MLLT1: variants seen among roughly 807,000 people sequenced by gnomAD.
The protein encoded by MLLT1 is protein ENL.
MLLT1 carries 11 observed loss-of-function variants against 55.1 expected under a neutral mutation model. The observed-to-expected ratio is 0.20, with a 90% CI of 0.13 to 0.33. The LOEUF is 0.33. Ranked by LOEUF, MLLT1 falls within the 10% of genes least tolerant of loss-of-function variation. The pLI is 1.00. For missense variants in MLLT1, 536 were observed against 760.6 expected, an observed-to-expected ratio of 0.70 and a Z score of 3.47; for synonymous variants, 323 against 320.1, an observed-to-expected ratio of 1.01 and a Z score of -0.10.
At chr19:6,236,701 G>A (rs78120350) in intron 3 of MLLT1, among the ~76,000 whole-genome samples, 2,691 of 152,280 alleles carry the variant, frequency 0.018, 37 homozygotes, top group Middle Eastern at 0.051. Context: ...AAGCTTAGGA[G>A]CATCCCAGGG....
intron 3 of MLLT1, among the ~76,000 whole-genome samples, chr19:6,248,982 G>A (rs574520154): frequency 2.6e-5 from 4 of 152,264 alleles, no homozygotes; most frequent in African/African-American, 7.2e-5. Context: ...GTTCAGTAAC[G>A]AAGATTTTTA....
chr19:6,246,148 T>TGG (rs2091166364), intron 3 of MLLT1, among the ~76,000 whole-genome samples: 1 of 150,450 alleles, frequency 6.6e-6, no homozygotes, highest in South Asian at 2.1e-4. Flanking sequence ...ATTCAAGGGC[T>TGG]GGCGAAGATT....
In MLLT1 at chr19:6,210,587, T is replaced by C. The variant is rs2090757279; in HGVS notation, c.*2455A>G. 4.5e-6 allele frequency: 1 copy of C among 222,722 alleles called. No homozygotes were observed. Among genetic ancestry groups the C allele is most frequent in the African/African-American group, 2.2e-5 (1 of 44,678 alleles). The allele number at this position is 222,722 out of a possible 1,614,324, so 13.8% of individuals were successfully genotyped here. ...GAGACACGTTCTTTGTAAAAACCCT[T>C]ATGGGCAAGAAAGGTATTCGATACC... is the stretch of plus-strand genomic sequence containing the variant. On this transcript the variant is annotated 3_prime_UTR_variant, in exon 12 of 12. Coordinates refer to ENST00000252674, the MANE Select transcript of MLLT1 (RefSeq NM_005934.4). This position sits in a 1 kb window ranked among gnomAD's most constrained non-coding sequence, Gnocchi z 4.6.
rs1052438755 is a variant in MLLT1 at position 6,212,937 on chromosome 19, G to A, written c.*105C>T. On this transcript the variant is annotated 3_prime_UTR_variant, in exon 12 of 12. Coordinates refer to ENST00000252674, the MANE Select transcript of MLLT1 (RefSeq NM_005934.4). Reference sequence around the variant, plus strand: ...CTGTGCGGGCGAGGACAGGGCTGTCGCTAAGGCAGTGCTGCGGGCAGGCGA... The same window carrying A: ...CTGTGCGGGCGAGGACAGGGCTGTCACTAAGGCAGTGCTGCGGGCAGGCGA... The A allele has an allele frequency of 1.2e-5, 17 of 1,427,460 alleles. No individual in the cohort carries two copies. Among genetic ancestry groups the A allele is most frequent in the African/African-American group, 5.7e-5 (4 of 70,522 alleles). 88.4% of individuals were successfully genotyped at this position (1,427,460 alleles called of 1,614,324 possible). A position where few individuals can be genotyped will look rare whatever the true frequency, so the allele number is the denominator to read the frequency against.
chr19:6,211,787 C>T lies in MLLT1; in HGVS notation c.*1255G>A. ...GGCTGGCTCCGCGGGAGCGTCCTGG[C>T]CCTGGAAGAGTGGGCCGGGAAGGAG... On this transcript the variant is annotated 3_prime_UTR_variant, in exon 12 of 12. Coordinates refer to ENST00000252674, the MANE Select transcript of MLLT1 (RefSeq NM_005934.4). This position sits in a 1 kb window ranked among gnomAD's most constrained non-coding sequence, Gnocchi z 4.6. 2.8e-6 allele frequency: 3 copies of T among 1,064,192 alleles called. No individual in the cohort carries two copies. Among genetic ancestry groups the T allele is most frequent in the Non-Finnish European group, 3.4e-6 (3 of 878,522 alleles). The allele number at this position is 1,064,192 out of a possible 1,614,324, so 65.9% of individuals were successfully genotyped here.
chr19:6,220,024 G>A (rs768940595), intron 6 of MLLT1, among the ~76,000 whole-genome samples: 5 of 152,372 alleles, frequency 3.3e-5, no homozygotes, highest in East Asian at 1.9e-4. Flanking sequence ...CTGGGTCCAC[G>A]ACTGACTCCA....
chr19:6,224,295 C>T (rs1004077014), intron 5 of MLLT1, among the ~76,000 whole-genome samples: 1 of 152,384 alleles, frequency 6.6e-6, no homozygotes, highest in Non-Finnish European at 1.5e-5. Context: ...CTGGCTCTTC[C>T]ACCTGGGACA....
chr19:6,214,226 C>T (rs749145594), intron 8 of MLLT1, among the ~76,000 whole-genome samples, 188 bp from the exon 9 acceptor site: 43 of 152,176 alleles, frequency 2.8e-4, no homozygotes, highest in Non-Finnish European at 5.9e-5. Flanking sequence ...GGAAAGAACC[C>T]CAAGGAAACC....
intron 3 of MLLT1, among the ~76,000 whole-genome samples, chr19:6,245,536 C>T (rs2091160425): frequency 6.6e-6 from 1 of 151,846 alleles, no homozygotes; most frequent in Admixed American, 6.5e-5. Context: ...TGGTGAAACC[C>T]CGTCTCTACT....
intron 3 of MLLT1, among the ~76,000 whole-genome samples, chr19:6,249,231 A>T (rs2091194820): frequency 6.6e-6 from 1 of 152,186 alleles, no homozygotes; most frequent in South Asian, 2.1e-4. Context: ...CACTGAGTTA[A>T]CCCAATTACT....
rs771160302 is a variant in MLLT1 at position 6,219,278 on chromosome 19, G to A, written c.1111-1237C>T. On this transcript the variant is annotated intron_variant, in intron 6 of 11. Transcript: ENST00000252674. The surrounding 1 kb of genome is among the most constrained non-coding windows in gnomAD (Gnocchi z 4.5). ...GCCCCTCAAACCAGCCCCTGCCAGC[G>A]CCCCTTCCCACCAACACATGGCGCT... Among the ~76,000 whole-genome samples the A allele has an allele frequency of 5.3e-5, 8 of 152,074 alleles. No homozygotes were observed. The highest frequency in any genetic ancestry group is 1.3e-4 in the Admixed American group (2 of 15,266).
intron 3 of MLLT1, among the ~76,000 whole-genome samples, chr19:6,243,848 C>G (rs1277669096): frequency 6.6e-6 from 1 of 152,006 alleles, no homozygotes; most frequent in Non-Finnish European, 1.5e-5. Context: ...CCGAGACCAT[C>G]CTGGCTAACA....
chr19:6,269,211 C>G (rs1260186618), intron 2 of MLLT1, among the ~76,000 whole-genome samples: 1 of 152,252 alleles, frequency 6.6e-6, no homozygotes, highest in East Asian at 1.9e-4. Flanking sequence ...GTGGCCAGAC[C>G]CAGCCCACAG....
intron 3 of MLLT1, among the ~76,000 whole-genome samples, chr19:6,234,696 T>G (rs1456047193): frequency 6.6e-6 from 1 of 151,924 alleles, no homozygotes; most frequent in Non-Finnish European, 1.5e-5. Flanking sequence ...CGATCCTGAG[T>G]GCCACTGCAT....
intron 3 of MLLT1, among the ~76,000 whole-genome samples, chr19:6,247,645 G>A (rs2091181006): frequency 6.6e-6 from 1 of 152,200 alleles, no homozygotes; most frequent in South Asian, 2.1e-4. Context: ...CACCACTGGG[G>A]GAGGCTAAAA....
chr19:6,277,954 A>G (rs1250482006), intron 1 of MLLT1, among the ~76,000 whole-genome samples: 1 of 152,184 alleles, frequency 6.6e-6, no homozygotes, highest in Non-Finnish European at 1.5e-5. Flanking sequence ...TTACCTCTTA[A>G]GAAGAAGGCA....
Position 6,213,417 on chromosome 19 carries a change from G to GC in MLLT1, c.1480-10_1480-9insG. 2 of 1,610,022 alleles carry GC rather than the reference G, an allele frequency of 1.2e-6. No homozygotes were observed. The highest frequency in any genetic ancestry group is 1.7e-6 in the Non-Finnish European group (2 of 1,179,166). ...AGCTCATCCGTGTAGGCCTGGGGAG[G>GC]GGGGGCAGGTCTCAGCAGCGTGTGG... On this transcript the variant is annotated splice_polypyrimidine_tract_variant and intron_variant, in intron 10 of 11. Coordinates refer to ENST00000252674, the MANE Select transcript of MLLT1 (RefSeq NM_005934.4).
chr19:6,256,792 C>G lies in MLLT1; in HGVS notation c.276+5436G>C, dbSNP rs944964749. Among the ~76,000 whole-genome samples, 3 of 152,134 alleles carry G rather than the reference C, an allele frequency of 2.0e-5. No homozygotes were observed. The highest frequency in any genetic ancestry group is 4.4e-5 in the Non-Finnish European group (3 of 68,016). On this transcript the variant is annotated intron_variant, in intron 3 of 11. Coordinates refer to ENST00000252674, the MANE Select transcript of MLLT1 (RefSeq NM_005934.4). This position sits in a 1 kb window ranked among gnomAD's most constrained non-coding sequence, Gnocchi z 4.1. ...ATAAAATAAAAATAACCTTCCTATA[C>G]AACTACAGTCATCAAAACAGTATGG...
In MLLT1 at chr19:6,211,987, G is replaced by A. The variant is rs1356119371; in HGVS notation, c.*1055C>T. ...CGGGCCTGCTGATGGCCGAGCCCAC[G>A]CTCGAGGGGCTGACCAGAGTTCAAT... On this transcript the variant is annotated 3_prime_UTR_variant, in exon 12 of 12. Coordinates refer to ENST00000252674, the MANE Select transcript of MLLT1 (RefSeq NM_005934.4). This position sits in a 1 kb window ranked among gnomAD's most constrained non-coding sequence, Gnocchi z 4.6. The A allele has an allele frequency of 9.4e-7, 1 of 1,065,452 alleles. No homozygotes were observed. The highest frequency in any genetic ancestry group is 1.1e-6 in the Non-Finnish European group (1 of 879,062). The allele number at this position is 1,065,452 out of a possible 1,614,324, so 66.0% of individuals were successfully genotyped here. A position where few individuals can be genotyped will look rare whatever the true frequency, so the allele number is the denominator to read the frequency against.
Sources: allele counts gnomAD v4.1 joint callset (sites outside exome capture counted in the v4.1 genomes callset), GRCh38; gene constraint gnomAD v4.1.1; non-coding constraint Gnocchi (gnomAD v3.1); transcripts MANE v1.5; gene names NCBI Gene and HGNC (gene_info 2026-07-23, HGNC 2026-07-21).